Variants in PMS1 observed in about 807,000 individuals in gnomAD.
PMS1 encodes the protein PMS1 protein homolog 1.
Under a neutral mutation model 93.1 loss-of-function variants are expected in PMS1, and 79 were observed. The observed-to-expected ratio is 0.85, with a 90% CI of 0.71 to 1.02. The LOEUF is 1.02. Ranked by LOEUF, PMS1 falls within the 50% of genes least tolerant of loss-of-function variation. PMS1 has a pLI of 0.00. For missense variants in PMS1, 1,064 were observed against 1,085.3 expected (o/e 0.98, Z 0.28); for synonymous variants, 335 against 363.4 (o/e 0.92, Z 0.89).
chr2:189,844,763 G>A (rs1377813962), intron 6 of PMS1, among the ~76,000 whole-genome samples: 2 of 151,140 alleles, frequency 1.3e-5, no homozygotes, highest in Admixed American at 6.6e-5. Flanking sequence ...ACTGGATGAC[G>A]TTCTTAACTC....
intron 5 of PMS1, among the ~76,000 whole-genome samples, chr2:189,843,368 C>T (rs2053979730): frequency 6.6e-6 from 1 of 152,136 alleles, no homozygotes; most frequent in South Asian, 2.1e-4. Flanking sequence ...AATCCAGCCT[C>T]ATTATTCAGC....
chr2:189,796,018 C>G, intron 3 of PMS1, 67 bp downstream of exon 3: 3 of 1,077,484 alleles, frequency 2.8e-6, no homozygotes, highest in Non-Finnish European at 4.3e-6. Context: ...AAAACTAACC[C>G]AGTATTTGGT....
chr2:189,789,762 A>T (rs542740600), intron 1 of PMS1, among the ~76,000 whole-genome samples: 1 of 152,302 alleles, frequency 6.6e-6, no homozygotes, highest in Admixed American at 6.5e-5. Flanking sequence ...AGGAGCATGT[A>T]ACTAGTCATG....
chr2:189,819,747 C>A (rs1399731341), intron 5 of PMS1, among the ~76,000 whole-genome samples: 1 of 152,026 alleles, frequency 6.6e-6, no homozygotes. Context: ...TTTTGAGCTT[C>A]TTATACCTTC....
At chr2:189,842,044 C>T (rs2053858909) in intron 5 of PMS1, among the ~76,000 whole-genome samples, 1 of 150,932 alleles carries the variant, frequency 6.6e-6, no homozygotes, top group Non-Finnish European at 1.5e-5. Context: ...TTGCATTTCC[C>T]AGCCAGACTT....
chr2:189,854,587 A>G lies in PMS1; in HGVS notation c.1315A>G (p.Ile439Val). 6.2e-7 allele frequency: 1 copy of G among 1,613,886 alleles called. No individual in the cohort carries two copies. Among genetic ancestry groups the G allele is most frequent in the Non-Finnish European group, 8.5e-7 (1 of 1,179,856 alleles). The change falls in exon 9 of 13, where the codon ATT (isoleucine) becomes GTT (valine). Residue 439 changes from isoleucine (I) to valine (V), a missense_variant. Physicochemically the swap from Ile to Val is conservative, Grantham distance 29 (BLOSUM62 3). Transcript: ENST00000441310. ...AAACACTAAGAATGCATTTCAGGAC[A>G]TTTCAATGAGTAATGTATCATGGGA... ...DKNTKNAFQD[I>V]SMSNVSWENS... is the part of the protein sequence containing the mutation.
intron 3 of PMS1, among the ~76,000 whole-genome samples, chr2:189,798,331 G>T (rs1242602065): frequency 1.3e-5 from 2 of 152,208 alleles, no homozygotes; most frequent in Non-Finnish European, 2.9e-5. Flanking sequence ...AATTGCAAAG[G>T]AGATGAAGTT....
intron 5 of PMS1, among the ~76,000 whole-genome samples, chr2:189,843,311 A>G (rs912728976): frequency 1.3e-5 from 2 of 151,986 alleles, no homozygotes; most frequent in Non-Finnish European, 1.5e-5. Flanking sequence ...AGTCACTGCA[A>G]ACAACCTATT....
intron 1 of PMS1, among the ~76,000 whole-genome samples, chr2:189,786,793 T>G (rs1355822710): frequency 6.6e-6 from 1 of 152,244 alleles, no homozygotes; most frequent in Non-Finnish European, 1.5e-5. Context: ...GGCTCACGCC[T>G]GTAATCCCAG....
At chr2:189,862,591 A>G (rs1033139284) in intron 9 of PMS1, among the ~76,000 whole-genome samples, 9 of 152,144 alleles carry the variant, frequency 5.9e-5, no homozygotes, top group Admixed American at 5.2e-4. Flanking sequence ...GGATTCTGTT[A>G]TCTTCTTCTG....
intron 5 of PMS1, among the ~76,000 whole-genome samples, chr2:189,835,628 G>A (rs766059300): frequency 6.6e-6 from 1 of 151,958 alleles, no homozygotes. Flanking sequence ...GTAAACTTAT[G>A]GTACTTAAGA....
At chr2:189,859,929 T>C (rs2055769899) in intron 9 of PMS1, among the ~76,000 whole-genome samples, 2 of 152,198 alleles carry the variant, frequency 1.3e-5, no homozygotes, top group Admixed American at 1.3e-4. Context: ...ACAAAAAATT[T>C]TCCTTAATGT....
At chr2:189,834,203 G>T (rs1057348921) in intron 5 of PMS1, among the ~76,000 whole-genome samples, 1 of 152,234 alleles carries the variant, frequency 6.6e-6, no homozygotes, top group African/African-American at 2.4e-5. Context: ...ATTAGAGGAA[G>T]TGGCCTTAAG....
chr2:189,795,998 C>G, intron 3 of PMS1, 47 bp downstream of exon 3: 2 of 1,239,526 alleles, frequency 1.6e-6, no homozygotes, highest in Admixed American at 3.4e-5. Flanking sequence ...ATTCACTGAA[C>G]ATTACAGTTA....
At chr2:189,852,562 T>A in intron 6 of PMS1, 93 bp from the exon 7 acceptor site, 1 of 1,118,752 alleles carries the variant, frequency 8.9e-7, no homozygotes, top group Non-Finnish European at 1.3e-6. Flanking sequence ...GAAAATCTGT[T>A]TTTTAATTTT....
Position 189,854,687 on chromosome 2 carries a change from A to G in PMS1, c.1415A>G (p.Lys472Arg). 2 of 1,613,976 alleles carry G rather than the reference A, an allele frequency of 1.2e-6. No individual in the cohort carries two copies. The highest frequency in any genetic ancestry group is 1.7e-6 in the Non-Finnish European group (2 of 1,179,898). The change falls in exon 9 of 13, where the codon AAA (lysine) becomes AGA (arginine). Residue 472 changes from lysine (K) to arginine (R), a missense_variant. Lys to Arg is a conservative substitution (Grantham distance 26). Coordinates refer to ENST00000441310, the MANE Select transcript of PMS1 (RefSeq NM_000534.5). The stretch of plus-strand genomic sequence containing the variant: ...CACACCCAGTCAGAAAATGGCAATA[A>G]AGACCATATAGATGAGAGTGGGGAA... Reference protein sequence around the residue: ...VKHTQSENGNKDHIDESGENE... With the variant: ...VKHTQSENGNRDHIDESGENE...
At chr2:189,805,607 G>A (rs1321246786) in intron 3 of PMS1, 45 bp from the exon 4 acceptor site, 3 of 1,402,932 alleles carry the variant, frequency 2.1e-6, no homozygotes, top group Admixed American at 1.7e-5. Flanking sequence ...TGAACCCATC[G>A]CAATATCTAA....
Position 189,791,909 on chromosome 2 carries a change from G to A in PMS1, c.100G>A (p.Asp34Asn). ...VVKELIENSLDAGATSVDVKL... is the reference protein window; with the variant it reads ...VVKELIENSLNAGATSVDVKL... ...AAAAGAGCTTATTGAAAACTCCTTG[G>A]ATGCTGGTGCCACAAGCGTAGATGT... Residue 34 changes from aspartate to asparagine, a missense_variant, in exon 2 of 13, where the codon GAT becomes AAT. Transcript: ENST00000441310. 1 of 1,613,992 alleles carries A rather than the reference G, an allele frequency of 6.2e-7. No individual in the cohort carries two copies. The highest frequency in any genetic ancestry group is 8.5e-7 in the Non-Finnish European group (1 of 1,179,900).
chr2:189,795,901 A>G lies in PMS1; in HGVS notation c.265A>G (p.Thr89Ala), dbSNP rs1426079795. Reference protein sequence around the residue: ...NSHEDLENLTTYGFRGEALGS... With the variant: ...NSHEDLENLTAYGFRGEALGS... ...TCATGAAGATCTTGAAAATTTGACA[A>G]CTTACGGTTTTCGTGGAGAAGCCTT... The change falls in exon 3 of 13, where the codon ACT becomes GCT. Residue 89 changes from threonine (T) to alanine (A), a missense_variant. Transcript: ENST00000441310. 1.2e-6 allele frequency: 2 copies of G among 1,613,678 alleles called. No homozygotes were observed. The highest frequency in any genetic ancestry group is 4.5e-5 in the East Asian group (2 of 44,870).
Sources: gnomAD v4.1 joint callset for allele counts (sites outside exome capture counted in the v4.1 genomes callset) on GRCh38, gnomAD v4.1.1 for gene constraint, MANE v1.5 for transcripts, NCBI Gene and HGNC (gene_info 2026-07-23, HGNC 2026-07-21) for gene names.